The following CA8 variants were observed in gnomAD, a reference collection of about 807,000 sequenced individuals.
The protein encoded by CA8 is carbonic anhydrase 8 (inactive).
CA8 carries 22 observed loss-of-function variants against 41.4 expected under a neutral mutation model. That is an observed-to-expected ratio of 0.53 (90% CI 0.38 to 0.76). CA8 has a LOEUF of 0.76. Among genes scored for constraint, CA8 ranks in the 30% least tolerant of loss-of-function variants. CA8 has a pLI of 0.00. For missense variants in CA8, 270 were observed against 352.8 expected, an observed-to-expected ratio of 0.77 and a Z score of 1.88; for synonymous variants, 121 against 130.6, an observed-to-expected ratio of 0.93 and a Z score of 0.50.
chr8:60,239,949 A>G (rs1237763579), intron 3 of CA8, among the ~76,000 whole-genome samples: 1 of 152,052 alleles, frequency 6.6e-6, no homozygotes. Flanking sequence ...AGTCCAGTAA[A>G]CCTCTTTTTC....
intron 2 of CA8, among the ~76,000 whole-genome samples, chr8:60,271,780 A>G (rs1804081305): frequency 6.6e-6 from 1 of 152,118 alleles, no homozygotes. Flanking sequence ...ACATTTTCTC[A>G]CTACTTAAGT....
chr8:60,195,879 A>G (rs1334121475), intron 8 of CA8, among the ~76,000 whole-genome samples: 1 of 152,188 alleles, frequency 6.6e-6, no homozygotes, highest in East Asian at 1.9e-4. Flanking sequence ...AAGGAAACAG[A>G]GGAAGAGGTC....
At position 60,268,518 on chromosome 8, in the gene CA8, C is replaced by A. The variant is rs145875292; in HGVS notation, c.293-2469G>T. Among the ~76,000 whole-genome samples the A allele has an allele frequency of 4.5e-3, 683 of 152,302 alleles. 2 individuals carry two copies. Among genetic ancestry groups the A allele is most frequent in the African/African-American group, 0.016 (662 of 41,562 alleles). On this transcript the variant is annotated intron_variant, in intron 2 of 8. Coordinates refer to ENST00000317995, the MANE Select transcript of CA8 (RefSeq NM_004056.6). ...TGACCAATGCTCAAAACTTCCTTAA[C>A]AGCAATGAACCCTTTCACTTAAACT...
intron 7 of CA8, among the ~76,000 whole-genome samples, chr8:60,216,756 T>A (rs1020489587): frequency 6.6e-6 from 1 of 152,192 alleles, no homozygotes; most frequent in Non-Finnish European, 1.5e-5. Flanking sequence ...ACATTCTCAA[T>A]ATAGTTCAGC....
Position 60,185,536 on chromosome 8 carries a change from G to C in CA8, c.*4485C>G, listed in dbSNP as rs992278736. ...CTCACACCCAGATACATCATAGTACGAAATCTGGGGCAGGGGGGAAACCAT... is the reference window on the plus strand; with the variant it reads ...CTCACACCCAGATACATCATAGTACCAAATCTGGGGCAGGGGGGAAACCAT... On this transcript the variant is annotated 3_prime_UTR_variant, in exon 9 of 9. Coordinates refer to ENST00000317995, the MANE Select transcript of CA8 (RefSeq NM_004056.6). Among the ~76,000 whole-genome samples, 1 of 151,954 alleles carries C rather than the reference G, an allele frequency of 6.6e-6. No homozygotes were observed. The highest frequency in any genetic ancestry group is 2.4e-5 in the African/African-American group (1 of 41,366).
At chr8:60,202,767 C>G (rs1806470791) in intron 8 of CA8, among the ~76,000 whole-genome samples, 1 of 151,984 alleles carries the variant, frequency 6.6e-6, no homozygotes, top group Non-Finnish European at 1.5e-5. Flanking sequence ...TGGATCATTC[C>G]AAAGCACTTA....
In CA8 at chr8:60,242,729, AG is replaced by A. The variant is rs1274597558; in HGVS notation, c.418-10351del. Among the ~76,000 whole-genome samples the A allele has an allele frequency of 5.9e-5, 9 of 152,198 alleles. 1 individual carries two copies. Among genetic ancestry groups the A allele is most frequent in the Admixed American group, 5.9e-4 (9 of 15,288 alleles). The stretch of plus-strand genomic sequence containing the variant: ...CTGTCTATCGTGTGATGCCCTTACA[AG>A]GGCAAGGAATAGTCTCTGGAAAGGT... On this transcript the variant is annotated intron_variant, in intron 3 of 8. Coordinates refer to ENST00000317995, the MANE Select transcript of CA8 (RefSeq NM_004056.6).
At chr8:60,190,957 T>TATATATATACACACACAC (rs1554573722) in intron 8 of CA8, among the ~76,000 whole-genome samples, 2 of 104,192 alleles carry the variant, frequency 1.9e-5, no homozygotes, top group African/African-American at 6.9e-5. Flanking sequence ...TATATATATA[T>TATATATATACACACACAC]ACACACACAC....
intron 3 of CA8, 42 bp downstream of exon 3, chr8:60,265,883 T>C (rs1438098134): frequency 1.2e-6 from 2 of 1,603,328 alleles, no homozygotes; most frequent in East Asian, 2.2e-5. Flanking sequence ...GAATACTTTA[T>C]TCAGAAAACA....
intron 7 of CA8, among the ~76,000 whole-genome samples, chr8:60,219,372 G>A (rs1012173118): frequency 1.3e-5 from 2 of 152,094 alleles, no homozygotes; most frequent in South Asian, 4.1e-4. Flanking sequence ...TGGCCAGGCT[G>A]GTCTCGAACT....
intron 8 of CA8, among the ~76,000 whole-genome samples, chr8:60,191,383 A>G (rs779411757): frequency 6.6e-6 from 1 of 152,098 alleles, no homozygotes; most frequent in Non-Finnish European, 1.5e-5. Flanking sequence ...TAAAGGTCAC[A>G]ATGTATTTAT....
At chr8:60,274,319 A>G (rs1804160190) in intron 2 of CA8, among the ~76,000 whole-genome samples, 1 of 152,236 alleles carries the variant, frequency 6.6e-6, no homozygotes. Flanking sequence ...ACTGGAGAAC[A>G]AGAGCAAAAG....
intron 3 of CA8, chr8:60,265,275 G>A: frequency 6.5e-6 from 1 of 152,922 alleles, no homozygotes; most frequent in Non-Finnish European, 1.5e-5. Context: ...CAACCCATGG[G>A]GCCAGCGCCA....
chr8:60,273,631 C>G (rs1191629244), intron 2 of CA8, among the ~76,000 whole-genome samples: 1 of 152,208 alleles, frequency 6.6e-6, no homozygotes, highest in African/African-American at 2.4e-5. Flanking sequence ...AGATGAAGCA[C>G]CAGCAGAGAA....
intron 3 of CA8, among the ~76,000 whole-genome samples, chr8:60,250,383 C>T (rs957781923): frequency 6.6e-6 from 1 of 152,114 alleles, no homozygotes; most frequent in Non-Finnish European, 1.5e-5. Flanking sequence ...TCTGACAATC[C>T]TTAGGAGCTC....
intron 3 of CA8, among the ~76,000 whole-genome samples, chr8:60,257,975 C>T (rs1803605337): frequency 6.6e-6 from 1 of 152,120 alleles, no homozygotes; most frequent in South Asian, 2.1e-4. Flanking sequence ...AACTCTGGTC[C>T]AAAAATATTA....
intron 3 of CA8, among the ~76,000 whole-genome samples, chr8:60,251,513 G>A (rs562484062): frequency 1.3e-5 from 2 of 152,206 alleles, no homozygotes; most frequent in African/African-American, 2.4e-5. Flanking sequence ...TTTCCCTCCC[G>A]ACACTGCCAT....
At chr8:60,223,747 A>G (rs1807329317) in intron 6 of CA8, among the ~76,000 whole-genome samples, 1 of 152,256 alleles carries the variant, frequency 6.6e-6, no homozygotes, top group Non-Finnish European at 1.5e-5. Flanking sequence ...TAAATGGTTA[A>G]CATACGATAG....
rs374622415 is a variant in CA8 at position 60,232,278 on chromosome 8, G to A, written c.513+6C>T. On this transcript the variant is annotated splice_donor_region_variant and intron_variant, in intron 4 of 8. Coordinates refer to ENST00000317995, the MANE Select transcript of CA8 (RefSeq NM_004056.6). Reference sequence around the variant, plus strand: ...AACAATACGATAATCACAGCAGACCGTTTACCTGAACAAACAGAGCAATGA... The same window carrying A: ...AACAATACGATAATCACAGCAGACCATTTACCTGAACAAACAGAGCAATGA... 4.6e-5 allele frequency: 73 copies of A among 1,602,396 alleles called. 1 individual carries two copies. Among genetic ancestry groups the A allele is most frequent in the South Asian group, 3.3e-4 (30 of 90,868 alleles).
Sources: gnomAD v4.1 joint callset for allele counts (sites outside exome capture counted in the v4.1 genomes callset) on GRCh38, gnomAD v4.1.1 for gene constraint, MANE v1.5 for transcripts, NCBI Gene and HGNC (gene_info 2026-07-23, HGNC 2026-07-21) for gene names.